The following CACNA1C variants were observed in gnomAD, a reference collection of about 807,000 sequenced individuals.
The protein encoded by CACNA1C is calcium voltage-gated channel subunit alpha1 C.
In CACNA1C, 30 loss-of-function variants were observed where a neutral mutation model predicts 229.0. That is an observed-to-expected ratio of 0.13 (90% CI 0.10 to 0.18). The LOEUF (loss-of-function observed/expected upper bound fraction) is 0.18, where lower values mean the gene tolerates loss of function less well. Ranked by LOEUF, CACNA1C falls within the 10% of genes least tolerant of loss-of-function variation. The pLI is 1.00. For synonymous variants in CACNA1C, 1,114 were observed against 1,132.5 expected, an observed-to-expected ratio of 0.98 and a Z score of 0.33; for missense variants, 1,658 against 2,845.0, an observed-to-expected ratio of 0.58 and a Z score of 9.49.
At chr12:2,276,017 C>T (rs563970517) in intron 3 of CACNA1C, among the ~76,000 whole-genome samples, 1 of 152,172 alleles carries the variant, frequency 6.6e-6, no homozygotes, top group African/African-American at 2.4e-5. Flanking sequence ...GCACATACTA[C>T]ACCATTTTAT....
chr12:2,482,447 T>A (rs1196660949), intron 5 of CACNA1C, among the ~76,000 whole-genome samples: 1 of 152,202 alleles, frequency 6.6e-6, no homozygotes, highest in Non-Finnish European at 1.5e-5. Flanking sequence ...CCTGGGTAGA[T>A]CACTCCACTG....
At chr12:2,384,102 C>A (rs2098322043) in intron 3 of CACNA1C, among the ~76,000 whole-genome samples, 1 of 152,218 alleles carries the variant, frequency 6.6e-6, no homozygotes, top group African/African-American at 2.4e-5. Flanking sequence ...GACAAGCTGC[C>A]TTCCTTCTGT....
At chr12:2,124,497 GC>G (rs755906236) in intron 3 of CACNA1C, among the ~76,000 whole-genome samples, 9 of 152,326 alleles carry the variant, frequency 5.9e-5, no homozygotes, top group Non-Finnish European at 1.0e-4. Context: ...GGGCTTGATG[GC>G]CCATGCAAAC....
At chr12:2,046,115 T>C (rs1368088487) in intron 1 of CACNA1C, among the ~76,000 whole-genome samples, 1 of 152,156 alleles carries the variant, frequency 6.6e-6, no homozygotes, top group Non-Finnish European at 1.5e-5. Flanking sequence ...TTTCAACTTC[T>C]GGCCTCAAAA....
At chr12:2,404,837 A>G (rs1040321951) in intron 3 of CACNA1C, among the ~76,000 whole-genome samples, 4 of 152,340 alleles carry the variant, frequency 2.6e-5, no homozygotes, top group East Asian at 1.9e-4. Flanking sequence ...AGAGTTAAGC[A>G]TGAAGGACCG....
intron 1 of CACNA1C, among the ~76,000 whole-genome samples, chr12:1,980,226 G>C (rs896141104): frequency 6.6e-6 from 1 of 152,146 alleles, no homozygotes; most frequent in African/African-American, 2.4e-5. Flanking sequence ...AGTATCTATC[G>C]ATAGGAGAAT....
chr12:2,241,080 G>A (rs1249079143), intron 3 of CACNA1C, among the ~76,000 whole-genome samples: 1 of 152,094 alleles, frequency 6.6e-6, no homozygotes, highest in East Asian at 1.9e-4. Context: ...CGAGGTGAGG[G>A]GGGTGGGAAG....
At chr12:2,618,804 G>C (rs538418862) in intron 29 of CACNA1C, among the ~76,000 whole-genome samples, 19 of 152,358 alleles carry the variant, frequency 1.2e-4, no homozygotes, top group African/African-American at 4.6e-4. Context: ...GCACACTGGA[G>C]CCCGTTCCTC....
chr12:2,490,241 G>A (rs140374079), intron 6 of CACNA1C, among the ~76,000 whole-genome samples: 7 of 151,822 alleles, frequency 4.6e-5, no homozygotes, highest in South Asian at 2.1e-4. Context: ...TTTCTTTTTC[G>A]CAGATATTCG....
At chr12:2,581,439 A>G in intron 13 of CACNA1C, 151 bp from the exon 14 acceptor site, 1 of 651,760 alleles carries the variant, frequency 1.5e-6, no homozygotes, top group Non-Finnish European at 2.6e-6. Flanking sequence ...GGCAACTCAC[A>G]CCACCACCAA....
chr12:2,499,576 G>A (rs1259377720), intron 7 of CACNA1C, among the ~76,000 whole-genome samples: 1 of 152,188 alleles, frequency 6.6e-6, no homozygotes, highest in Non-Finnish European at 1.5e-5. Context: ...GCTGGTTGCC[G>A]AAAGGTCTTT....
At chr12:2,267,949 A>T (rs1283190693) in intron 3 of CACNA1C, among the ~76,000 whole-genome samples, 1 of 152,206 alleles carries the variant, frequency 6.6e-6, no homozygotes, top group Admixed American at 6.5e-5. Context: ...TCGATTGCAC[A>T]TAAAATGAAG....
At chr12:2,248,862 G>A (rs1474302542) in intron 3 of CACNA1C, among the ~76,000 whole-genome samples, 2 of 152,298 alleles carry the variant, frequency 1.3e-5, no homozygotes, top group East Asian at 3.9e-4. Context: ...GTAACCCTCA[G>A]CCTCTGTTTC....
Position 2,688,567 on chromosome 12 carries a change from G to A in CACNA1C, c.5905G>A (p.Val1969Ile), listed in dbSNP as rs748408098. The change falls in exon 46 of 47, where the codon GTC becomes ATC. Residue 1969 changes from valine (V) to isoleucine (I), a missense_variant. By Grantham distance (29) the Val-to-Ile change is conservative (BLOSUM62 3). This residue lies in a region of CACNA1C where 590 missense variants were observed against 700.8 expected (regional missense o/e 0.84). Coordinates refer to ENST00000399655, the MANE Select transcript of CACNA1C (RefSeq NM_000719.7). ...CAGCCGAGGCTGGCCCCCACAGCCCGTCCCCACCCTGCGGCTTGAGGGGGT... is the reference window on the plus strand; with the variant it reads ...CAGCCGAGGCTGGCCCCCACAGCCCATCCCCACCCTGCGGCTTGAGGGGGT... ...PGSRGWPPQP[V>I]PTLRLEGVES... is the part of the protein sequence containing the mutation. 22 of 1,613,768 alleles carry A rather than the reference G, an allele frequency of 1.4e-5. No individual in the cohort carries two copies. The highest frequency in any genetic ancestry group is 1.6e-4 in the Middle Eastern group (1 of 6,084).
intron 1 of CACNA1C, among the ~76,000 whole-genome samples, chr12:2,110,528 A>G (rs948177379): frequency 2.6e-5 from 4 of 152,172 alleles, no homozygotes; most frequent in African/African-American, 9.7e-5. Flanking sequence ...ATAATTTGAA[A>G]ATTGATCTCT....
intron 3 of CACNA1C, among the ~76,000 whole-genome samples, chr12:2,252,570 C>A (rs747228092): frequency 6.6e-6 from 1 of 152,194 alleles, no homozygotes; most frequent in African/African-American, 2.4e-5. Context: ...CACTGTCTAT[C>A]AAGAAGCAGG....
chr12:2,622,727 C>T lies in CACNA1C; in HGVS notation c.3828+10714C>T, dbSNP rs549039721. On this transcript the variant is annotated intron_variant, in intron 29 of 46. Coordinates refer to ENST00000399655, the MANE Select transcript of CACNA1C (RefSeq NM_000719.7). ...GCCCAATGCTGAAGCTAGGGACAGG[C>T]GTTCTCATACAGCTCTCTTCTTTCC... 4.7e-4 allele frequency among the ~76,000 whole-genome samples: 72 copies of T among 152,324 alleles called. 1 individual carries two copies. The highest frequency in any genetic ancestry group is 3.4e-3 in the Middle Eastern group (1 of 294).
At chr12:2,178,519 C>T (rs1442606462) in intron 3 of CACNA1C, among the ~76,000 whole-genome samples, 1 of 152,184 alleles carries the variant, frequency 6.6e-6, no homozygotes, top group African/African-American at 2.4e-5. Context: ...TATCAATGCT[C>T]CTGTGTCTGG....
intron 9 of CACNA1C, among the ~76,000 whole-genome samples, chr12:2,527,839 C>A (rs1028855245): frequency 1.3e-5 from 2 of 152,100 alleles, no homozygotes; most frequent in Non-Finnish European, 2.9e-5. Flanking sequence ...CCCCTTGGAC[C>A]ACTTCTGCAT....
Sources: allele counts gnomAD v4.1 joint callset (sites outside exome capture counted in the v4.1 genomes callset), GRCh38; gene constraint gnomAD v4.1.1; regional missense constraint gnomAD v4.1.1; transcripts MANE v1.5; gene names NCBI Gene and HGNC (gene_info 2026-07-23, HGNC 2026-07-21).